The following COL19A1 variants were observed in gnomAD, a reference collection of about 807,000 sequenced individuals.
COL19A1 encodes collagen alpha-1(XIX) chain.
In COL19A1, 159 loss-of-function variants were observed where a neutral mutation model predicts 190.2. The ratio of observed to expected loss-of-function variants is 0.84; its 90% confidence interval spans 0.73 to 0.95. The LOEUF is 0.95. Ranked by LOEUF, COL19A1 falls within the 40% of genes least tolerant of loss-of-function variation. The pLI is 0.00. For missense variants in COL19A1, 1,418 were observed against 1,431.9 expected, an observed-to-expected ratio of 0.99 and a Z score of 0.16; for synonymous variants, 509 against 458.9, an observed-to-expected ratio of 1.11 and a Z score of -1.39.
rs1774875485 is a variant in COL19A1 at position 69,962,746 on chromosome 6, A to C, written c.982-80A>C. ...CAATTACTGATTTTTCATTGTTTGA[A>C]ACATAATTTTTATTGTAAAAATTGC... On this transcript the variant is annotated intron_variant, in intron 10 of 50. Coordinates refer to ENST00000620364, the MANE Select transcript of COL19A1 (RefSeq NM_001858.6). 5.1e-6 allele frequency: 5 copies of C among 982,746 alleles called. No individual in the cohort carries two copies. The East Asian group carries it at 1.4e-4, about 27-fold the overall frequency. 60.9% of individuals were successfully genotyped at this position (982,746 alleles called of 1,614,324 possible).
At chr6:70,098,289 T>C in intron 15 of COL19A1, 1 of 339,496 alleles carries the variant, frequency 2.9e-6, no homozygotes, top group South Asian at 2.8e-5. Flanking sequence ...TCCCCCAAAG[T>C]ATCCTAGCTT....
chr6:70,009,140 G>A (rs1777826509), intron 11 of COL19A1, among the ~76,000 whole-genome samples: 1 of 151,842 alleles, frequency 6.6e-6, no homozygotes, highest in Non-Finnish European at 1.5e-5. Flanking sequence ...TATTATCCTG[G>A]AGGTTCTAGC....
chr6:69,966,184 G>A lies in COL19A1; in HGVS notation c.1026+3314G>A, dbSNP rs190435868. ...GCCCCCGCCCGGCCAGCTGCCCCGT[G>A]CGGGAGGTGGGGGGCACCTCTGCCC... is the stretch of plus-strand genomic sequence containing the variant. On this transcript the variant is annotated intron_variant, in intron 11 of 50. Transcript: ENST00000620364. Among the ~76,000 whole-genome samples the A allele has an allele frequency of 1.2e-4, 19 of 152,078 alleles. No homozygotes were observed. In the East Asian group the frequency reaches 3.5e-3, roughly 28 times the overall value.
intron 14 of COL19A1, among the ~76,000 whole-genome samples, chr6:70,064,132 A>C (rs1329593512): frequency 6.6e-6 from 1 of 152,104 alleles, no homozygotes; most frequent in Non-Finnish European, 1.5e-5. Context: ...TTTTATGAGG[A>C]CAGCATCATC....
chr6:70,178,071 C>G (rs566005575), intron 42 of COL19A1, among the ~76,000 whole-genome samples: 1 of 152,316 alleles, frequency 6.6e-6, no homozygotes, highest in South Asian at 2.1e-4. Context: ...ACTAAAAAAG[C>G]AGTTTTCATA....
In COL19A1 at chr6:69,910,701, G is replaced by T. The variant is rs566274185; in HGVS notation, c.266+10363G>T. On this transcript the variant is annotated intron_variant, in intron 4 of 50. Transcript: ENST00000620364. Reference sequence around the variant, plus strand: ...TATATTAGATTTTTTTCTTTTTCCAGTCATTCTTTTATCCTATGAATCAAT... The same window carrying T: ...TATATTAGATTTTTTTCTTTTTCCATTCATTCTTTTATCCTATGAATCAAT... Among the ~76,000 whole-genome samples, 6 of 152,114 alleles carry T rather than the reference G, an allele frequency of 3.9e-5. No homozygotes were observed. The East Asian group carries it at 1.2e-3, about 29-fold the overall frequency.
At chr6:70,053,254 G>C (rs914544198) in intron 14 of COL19A1, among the ~76,000 whole-genome samples, 5 of 152,090 alleles carry the variant, frequency 3.3e-5, no homozygotes, top group African/African-American at 9.7e-5. Flanking sequence ...ATTTACTCAA[G>C]GACTTTTTTA....
chr6:69,976,812 C>T (rs921533253), intron 11 of COL19A1, among the ~76,000 whole-genome samples: 1 of 152,114 alleles, frequency 6.6e-6, no homozygotes, highest in Non-Finnish European at 1.5e-5. Context: ...GCAAAACACT[C>T]AAGGGAGACA....
At chr6:69,987,045 C>T (rs865996094) in intron 11 of COL19A1, among the ~76,000 whole-genome samples, 12 of 152,080 alleles carry the variant, frequency 7.9e-5, no homozygotes, top group African/African-American at 1.4e-4. Flanking sequence ...CTCAGCCTCC[C>T]GAGTAGCTGG....
chr6:69,912,014 A>G (rs1342225854), intron 4 of COL19A1, among the ~76,000 whole-genome samples: 1 of 152,186 alleles, frequency 6.6e-6, no homozygotes, highest in Non-Finnish European at 1.5e-5. Flanking sequence ...TCTGCCTCAT[A>G]GTTGCCGGTG....
chr6:69,949,037 A>G (rs564458888), intron 9 of COL19A1, among the ~76,000 whole-genome samples: 1 of 151,962 alleles, frequency 6.6e-6, no homozygotes, highest in South Asian at 2.1e-4. Flanking sequence ...TTCTAAAACC[A>G]TGGCAAAATT....
intron 2 of COL19A1, among the ~76,000 whole-genome samples, chr6:69,892,058 G>C (rs1041400978): frequency 2.0e-5 from 3 of 152,220 alleles, no homozygotes; most frequent in East Asian, 1.9e-4. Context: ...AGGATGTCTT[G>C]TGAGACACCC....
At chr6:70,006,577 T>C (rs185896189) in intron 11 of COL19A1, among the ~76,000 whole-genome samples, 4 of 152,340 alleles carry the variant, frequency 2.6e-5, no homozygotes, top group Non-Finnish European at 5.9e-5. Flanking sequence ...CCGTTGTTTC[T>C]AGTCGGCCAT....
At chr6:69,935,937 T>C (rs1020640934) in intron 7 of COL19A1, among the ~76,000 whole-genome samples, 1 of 152,068 alleles carries the variant, frequency 6.6e-6, no homozygotes, top group Admixed American at 6.6e-5. Flanking sequence ...CCACAGATAA[T>C]ATTTTAGTTT....
At chr6:69,943,930 A>C (rs1293546104) in intron 9 of COL19A1, among the ~76,000 whole-genome samples, 1 of 152,140 alleles carries the variant, frequency 6.6e-6, no homozygotes, top group Non-Finnish European at 1.5e-5. Context: ...CCCACTAATG[A>C]CTTCTTGTCT....
intron 42 of COL19A1, among the ~76,000 whole-genome samples, chr6:70,180,078 G>A (rs1356627947): frequency 6.6e-6 from 1 of 152,086 alleles, no homozygotes; most frequent in Non-Finnish European, 1.5e-5. Context: ...TAGAGACAGG[G>A]TTTCGCCACG....
rs1561998746 is a variant in COL19A1 at position 69,921,502 on chromosome 6, A to ATATCCATATATATTCATG, written c.267-6404_267-6403insCCATATATATTCATGTAT. On this transcript the variant is annotated intron_variant, in intron 4 of 50. Coordinates refer to ENST00000620364, the MANE Select transcript of COL19A1 (RefSeq NM_001858.6). ...TTCATATATATTCATATATATTCAT[A>ATATCCATATATATTCATG]TATATTCATATGTATATTCATATAT... is the stretch of plus-strand genomic sequence containing the variant. 1.4e-3 allele frequency among the ~76,000 whole-genome samples: 16 copies of ATATCCATATATATTCATG among 11,650 alleles called. 1 individual carries two copies. The highest frequency in any genetic ancestry group is 3.2e-3 in the African/African-American group (14 of 4,366). 7.6% of individuals were successfully genotyped at this position (11,650 alleles called of 152,430 possible). A position where few individuals can be genotyped will look rare whatever the true frequency, so the allele number is the denominator to read the frequency against.
At position 70,199,792 on chromosome 6, in the gene COL19A1, CAT is replaced by C. The variant is rs1276910754; in HGVS notation, c.3223+57_3223+58del. ...GATTTTTAACTCTCTGTATTTATAA[CAT>C]GTTAGTCACAGTTAAGGAAAAAAGT... On this transcript the variant is annotated intron_variant, in intron 49 of 50. Transcript: ENST00000620364. 7.9e-6 allele frequency: 12 copies of C among 1,521,808 alleles called. No homozygotes were observed. In the African/African-American group the frequency reaches 1.5e-4, roughly 19 times the overall value. 94.3% of individuals were successfully genotyped at this position (1,521,808 alleles called of 1,614,324 possible).
intron 15 of COL19A1, among the ~76,000 whole-genome samples, chr6:70,094,630 CTCT>C (rs1783130553): frequency 6.6e-6 from 1 of 152,166 alleles, no homozygotes; most frequent in South Asian, 2.1e-4. Context: ...TTGCATTCTT[CTCT>C]TCTTAATGCT....
Sources: gnomAD v4.1 joint callset for allele counts (sites outside exome capture counted in the v4.1 genomes callset) on GRCh38, gnomAD v4.1.1 for gene constraint, MANE v1.5 for transcripts, NCBI Gene and HGNC (gene_info 2026-07-23, HGNC 2026-07-21) for gene names.